SERPINA1: variants seen among roughly 807,000 people sequenced by gnomAD.
The protein encoded by SERPINA1 is serpin family A member 1, also known as alpha-1-antitrypsin.
SERPINA1 carries 21 observed loss-of-function variants against 25.4 expected under a neutral mutation model. That is an observed-to-expected ratio of 0.83 (90% CI 0.59 to 1.19). The LOEUF (loss-of-function observed/expected upper bound fraction) is 1.19, where lower values mean the gene tolerates loss of function less well. Among genes scored for constraint, SERPINA1 ranks in the 50% most tolerant of loss-of-function variants. The pLI, the probability that SERPINA1 is intolerant of heterozygous loss-of-function variation, is 0.00. For synonymous variants in SERPINA1, 218 were observed against 211.1 expected (o/e 1.03, Z -0.29); for missense variants, 546 against 509.0 (o/e 1.07, Z -0.70).
chr14:94,389,189 C>T (rs1897514516), upstream of SERPINA1, among the ~76,000 whole-genome samples: 1 of 152,158 alleles, frequency 6.6e-6, no homozygotes, highest in African/African-American at 2.4e-5. Context: ...CATGGGGGGC[C>T]GTGAGACAGG....
At chr14:94,380,584 G>T (rs1161288469) in intron 3 of SERPINA1, 3 of 497,476 alleles carry the variant, frequency 6.0e-6, no homozygotes, top group African/African-American at 1.9e-5. Flanking sequence ...CCTGCCCTGG[G>T]CACTGGATAT....
intron 1 of SERPINA1, 55 bp from the exon 2 acceptor site, chr14:94,383,296 C>G: frequency 1.3e-6 from 2 of 1,562,728 alleles, no homozygotes; most frequent in Non-Finnish European, 1.7e-6. Context: ...TGATGACTCC[C>G]AGTGATCAGG....
chr14:94,377,977 G>A lies in SERPINA1; in HGVS notation c.*472C>T, dbSNP rs1896481204. The A allele has an allele frequency of 1.1e-5, 2 of 188,296 alleles. No individual in the cohort carries two copies. The highest frequency in any genetic ancestry group is 1.1e-5 in the Non-Finnish European group (1 of 89,406). 11.7% of individuals were successfully genotyped at this position (188,296 alleles called of 1,614,324 possible). On this transcript the variant is annotated 3_prime_UTR_variant, in exon 5 of 5. Transcript: ENST00000393087. ...TCAGGCAGTTCTGGGGCCCCCAGGA[G>A]GGCAGCCTTGGGGTGGGCACAGCCA...
At chr14:94,379,646 A>G in intron 3 of SERPINA1, 35 bp from the exon 4 acceptor site, 6 of 1,613,996 alleles carry the variant, frequency 3.7e-6, no homozygotes, top group Non-Finnish European at 5.1e-6. Flanking sequence ...GGCATGGCAC[A>G]GCATTCCTCT....
chr14:94,378,399 C>T lies in SERPINA1; in HGVS notation c.*50G>A, dbSNP rs768301490. ...CAGCTCAACCCTTCTTTAATGTCAT[C>T]CAGGGAGGGGGCCAGGGATGGAGGG... On this transcript the variant is annotated 3_prime_UTR_variant, in exon 5 of 5. Coordinates refer to ENST00000393087, the MANE Select transcript of SERPINA1 (RefSeq NM_000295.5). 2 of 1,507,776 alleles carry T rather than the reference C, an allele frequency of 1.3e-6. No homozygotes were observed. The highest frequency in any genetic ancestry group is 1.1e-5 in the South Asian group (1 of 88,682). 93.4% of individuals were successfully genotyped at this position (1,507,776 alleles called of 1,614,324 possible). A position where few individuals can be genotyped will look rare whatever the true frequency, so the allele number is the denominator to read the frequency against.
chr14:94,381,869 G>A (rs965275163), intron 2 of SERPINA1, among the ~76,000 whole-genome samples: 1 of 152,196 alleles, frequency 6.6e-6, no homozygotes, highest in African/African-American at 2.4e-5. Context: ...CAGAGTGGAG[G>A]AAGCAGCCCC....
chr14:94,379,905 C>T (rs891009502), intron 3 of SERPINA1, among the ~76,000 whole-genome samples: 6 of 152,174 alleles, frequency 3.9e-5, no homozygotes, highest in Non-Finnish European at 7.3e-5. Flanking sequence ...GGTCACCTGG[C>T]CCCCAGCCTG....
At chr14:94,382,445 G>T in intron 2 of SERPINA1, 147 bp downstream of exon 2, 1 of 873,408 alleles carries the variant, frequency 1.1e-6, no homozygotes, top group Non-Finnish European at 1.8e-6. Context: ...ACATTTTAGT[G>T]TTTGTGTGTA....
intron 1 of SERPINA1, among the ~76,000 whole-genome samples, chr14:94,386,572 A>T (rs577202511): frequency 6.6e-6 from 1 of 152,324 alleles, no homozygotes; most frequent in African/African-American, 2.4e-5. Context: ...GACAGGGATG[A>T]GGAATAACTG....
chr14:94,384,013 A>C (rs1166820515), intron 1 of SERPINA1: 1 of 152,206 alleles, frequency 6.6e-6, no homozygotes, highest in Admixed American at 6.5e-5. Context: ...GAATAGGCTG[A>C]TGCTCCTGCA....
In SERPINA1 at chr14:94,378,078, C is replaced by T; in HGVS notation, c.*371G>A. ...GGGGACATGAAGATGCTTGGTGGAG[C>T]CTGGGGTCATGGCTGGTATCTGGTT... is the stretch of plus-strand genomic sequence containing the variant. On this transcript the variant is annotated 3_prime_UTR_variant, in exon 5 of 5. Transcript: ENST00000393087. 1 of 266,368 alleles carries T rather than the reference C, an allele frequency of 3.8e-6. No individual in the cohort carries two copies. The highest frequency in any genetic ancestry group is 5.5e-5 in the South Asian group (1 of 18,214). The allele number at this position is 266,368 out of a possible 1,614,324, so 16.5% of individuals were successfully genotyped here.
Position 94,379,586 on chromosome 14 carries a change from G to A in SERPINA1, c.943C>T (p.Leu315=). The change falls in exon 4 of 5, where the codon CTG becomes TTG. Residue 315 remains leucine, a synonymous_variant. Coordinates refer to ENST00000393087, the MANE Select transcript of SERPINA1 (RefSeq NM_000295.5). ...RRSASLHLPK[L]SITGTYDLKS... is the part of the protein sequence containing the mutation. ...AGATCATAGGTTCCAGTAATGGACA[G>A]TTTGGGTAAATGTAAGCTGGCAGAC... 1.2e-5 allele frequency: 19 copies of A among 1,614,232 alleles called. No individual in the cohort carries two copies. Among genetic ancestry groups the A allele is most frequent in the Non-Finnish European group, 1.6e-5 (19 of 1,180,044 alleles).
intron 1 of SERPINA1, 114 bp from the exon 2 acceptor site, chr14:94,383,355 C>A: frequency 9.0e-7 from 1 of 1,108,780 alleles, no homozygotes; most frequent in African/African-American, 1.5e-5. Context: ...CAGCCTGTGC[C>A]AAGTACTTGC....
intron 1 of SERPINA1, among the ~76,000 whole-genome samples, chr14:94,386,503 T>C (rs1897296304): frequency 6.6e-6 from 1 of 152,150 alleles, no homozygotes; most frequent in Non-Finnish European, 1.5e-5. Flanking sequence ...CTGGGGTAAA[T>C]GACTTCACTT....
chr14:94,385,718 CAG>C (rs1352152479), intron 1 of SERPINA1, among the ~76,000 whole-genome samples: 1 of 152,178 alleles, frequency 6.6e-6, no homozygotes, highest in Non-Finnish European at 1.5e-5. Context: ...CCCTCCTAGA[CAG>C]GGGAATTCTG....
Position 94,382,871 on chromosome 14 carries a change from G to C in SERPINA1, c.367C>G (p.Leu123Val). 2.5e-6 allele frequency: 4 copies of C among 1,614,188 alleles called. No homozygotes were observed. The highest frequency in any genetic ancestry group is 3.4e-6 in the Non-Finnish European group (4 of 1,180,004). Reference sequence around the variant, plus strand: ...TCTGGCTGGTTGAGGGTACGGAGGAGTTCCTGGAAGCCTTCATGGATCTGA... The same window carrying C: ...TCTGGCTGGTTGAGGGTACGGAGGACTTCCTGGAAGCCTTCATGGATCTGA... ...EAQIHEGFQE[L>V]LRTLNQPDSQ... The change falls in exon 2 of 5, where the codon CTC (leucine) becomes GTC (valine). Residue 123 changes from leucine to valine, a missense_variant. Transcript: ENST00000393087.
chr14:94,383,467 G>T (rs547907656), intron 1 of SERPINA1: 2 of 582,632 alleles, frequency 3.4e-6, no homozygotes, highest in East Asian at 2.8e-5. Flanking sequence ...TTAATTCATT[G>T]CTTTCTTGTA....
chr14:94,387,608 C>T (rs1952448179), intron 1 of SERPINA1, among the ~76,000 whole-genome samples: 1 of 152,296 alleles, frequency 6.6e-6, no homozygotes, highest in African/African-American at 2.4e-5. Context: ...CACCGAGCAT[C>T]AGAGAGGCCT....
At chr14:94,384,437 A>G (rs1245510309) in intron 1 of SERPINA1, among the ~76,000 whole-genome samples, 1 of 152,178 alleles carries the variant, frequency 6.6e-6, no homozygotes, top group Admixed American at 6.5e-5. Flanking sequence ...CATGTTTCAT[A>G]CCCGGGGCTG....
Sources: gnomAD v4.1 joint callset for allele counts (sites outside exome capture counted in the v4.1 genomes callset) on GRCh38, gnomAD v4.1.1 for gene constraint, MANE v1.5 for transcripts, NCBI Gene and HGNC (gene_info 2026-07-23, HGNC 2026-07-21) for gene names.